Variants in VTI1A observed in about 807,000 individuals in gnomAD.
VTI1A encodes the protein vesicle transport through interaction with t-SNAREs 1A, also known as vesicle transport through interaction with t-SNAREs homolog 1A.
In VTI1A, 22 loss-of-function variants were observed where a neutral mutation model predicts 34.9. That is an observed-to-expected ratio of 0.63 (90% CI 0.45 to 0.90). VTI1A has a LOEUF of 0.90. Ranked by LOEUF, VTI1A falls within the 40% of genes least tolerant of loss-of-function variation. VTI1A has a pLI of 0.00. For synonymous variants in VTI1A, 87 were observed against 97.3 expected (o/e 0.89, Z 0.62); for missense variants, 268 against 275.6 (o/e 0.97, Z 0.20).
At chr10:112,707,760 T>C (rs973850760) in intron 7 of VTI1A, among the ~76,000 whole-genome samples, 1 of 152,242 alleles carries the variant, frequency 6.6e-6, no homozygotes, top group Admixed American at 6.5e-5. Context: ...TTACTTTGCA[T>C]AAAAATTTTA....
chr10:112,500,473 A>G (rs562968477), intron 3 of VTI1A, among the ~76,000 whole-genome samples: 40 of 152,238 alleles, frequency 2.6e-4, no homozygotes, highest in African/African-American at 9.4e-4. Context: ...AAAAAAGAAA[A>G]TTGTTGCCAA....
At chr10:112,577,008 TA>T (rs1457131166) in intron 5 of VTI1A, among the ~76,000 whole-genome samples, 1 of 152,224 alleles carries the variant, frequency 6.6e-6, no homozygotes, top group Non-Finnish European at 1.5e-5. Flanking sequence ...AATCCGTCTA[TA>T]AGGTCACAAT....
intron 5 of VTI1A, among the ~76,000 whole-genome samples, chr10:112,611,760 G>A (rs1363384464): frequency 7.6e-5 from 2 of 26,180 alleles, no homozygotes; most frequent in African/African-American, 2.2e-4. Flanking sequence ...TTTTTTTTTT[G>A]TGACGGAGTC....
intron 7 of VTI1A, among the ~76,000 whole-genome samples, chr10:112,669,336 G>T (rs538222976): frequency 6.6e-6 from 1 of 152,288 alleles, no homozygotes; most frequent in Admixed American, 6.5e-5. Context: ...TCTTCTTATG[G>T]AGGGAATGCA....
intron 3 of VTI1A, among the ~76,000 whole-genome samples, chr10:112,479,919 A>G (rs147935439): frequency 1.2e-3 from 185 of 152,304 alleles, no homozygotes; most frequent in African/African-American, 4.2e-3. Context: ...GTCTATTGTC[A>G]GTTTATTTCA....
chr10:112,845,841 A>C, the VTI1A span, among the ~76,000 whole-genome samples: 1 of 152,146 alleles, frequency 6.6e-6, no homozygotes, highest in Non-Finnish European at 1.5e-5. Flanking sequence ...AACATGGTGA[A>C]ACCCCGTCTC....
intron 7 of VTI1A, among the ~76,000 whole-genome samples, chr10:112,748,916 A>G (rs945365300): frequency 2.6e-5 from 4 of 152,158 alleles, no homozygotes; most frequent in African/African-American, 9.7e-5. Context: ...GGCGTGAGCC[A>G]CTGCTCCCAG....
intron 5 of VTI1A, among the ~76,000 whole-genome samples, chr10:112,636,238 A>G (rs957745763): frequency 6.6e-6 from 1 of 152,254 alleles, no homozygotes. Context: ...ATATAAGGGC[A>G]CTTTGTAGAC....
At chr10:112,451,164 T>G (rs74652010) in intron 1 of VTI1A, among the ~76,000 whole-genome samples, 1 of 152,230 alleles carries the variant, frequency 6.6e-6, no homozygotes. Flanking sequence ...CTAGTTCTGC[T>G]ACTTACTAGA....
chr10:112,595,006 A>G (rs1241252036), intron 5 of VTI1A, among the ~76,000 whole-genome samples: 3 of 145,462 alleles, frequency 2.1e-5, no homozygotes, highest in Non-Finnish European at 3.0e-5. Flanking sequence ...AAATAACGCC[A>G]CATATCTACA....
chr10:112,531,999 G>A (rs1850462697), intron 4 of VTI1A, among the ~76,000 whole-genome samples: 1 of 152,010 alleles, frequency 6.6e-6, no homozygotes, highest in Non-Finnish European at 1.5e-5. Context: ...AATAAAGAAA[G>A]CTTCTTATTT....
At chr10:112,671,549 T>A (rs1375262099) in intron 7 of VTI1A, among the ~76,000 whole-genome samples, 1 of 152,210 alleles carries the variant, frequency 6.6e-6, no homozygotes, top group East Asian at 1.9e-4. Flanking sequence ...AGGTTATTTT[T>A]AAAATTTTTT....
chr10:112,480,870 G>T (rs1169175559), intron 3 of VTI1A, among the ~76,000 whole-genome samples: 3 of 152,168 alleles, frequency 2.0e-5, no homozygotes. Context: ...TTGGCATGGG[G>T]TGCAACTTGG....
chr10:112,465,971 G>T (rs901840539), intron 3 of VTI1A, among the ~76,000 whole-genome samples: 3 of 152,148 alleles, frequency 2.0e-5, no homozygotes, highest in African/African-American at 7.2e-5. Flanking sequence ...ACAACTAACT[G>T]TTCTTATAGG....
Position 112,668,217 on chromosome 10 carries a change from G to A in VTI1A, c.428-1G>A, listed in dbSNP as rs1046242018. 1.6e-5 allele frequency: 25 copies of A among 1,611,934 alleles called. No individual in the cohort carries two copies. The highest frequency in any genetic ancestry group is 2.1e-5 in the Non-Finnish European group (25 of 1,178,798). ...CCTCACTCAAATTTTCTTTTCCGTAGAGCAAATTGGTCAGGAGATGTTGGA... is the reference window on the plus strand; with the variant it reads ...CCTCACTCAAATTTTCTTTTCCGTAAAGCAAATTGGTCAGGAGATGTTGGA... On this transcript the variant is annotated splice_acceptor_variant, in intron 5 of 7. Coordinates refer to ENST00000393077, the MANE Select transcript of VTI1A (RefSeq NM_145206.4). LOFTEE classifies it high-confidence loss of function.
chr10:112,841,604 G>A, the VTI1A span, among the ~76,000 whole-genome samples: 1 of 152,168 alleles, frequency 6.6e-6, no homozygotes, highest in Non-Finnish European at 1.5e-5. Context: ...ACCAGGGAAA[G>A]TGGGCGTCTG....
In VTI1A at chr10:112,626,065, T is replaced by C. The variant is rs112270472; in HGVS notation, c.428-42153T>C. ...GAAGAAACAAAGTACATTTGGAAAC[T>C]GCATCCTTTTTTTTTGTAATGATTT... is the stretch of plus-strand genomic sequence containing the variant. On this transcript the variant is annotated intron_variant, in intron 5 of 7. Transcript: ENST00000393077. Among the ~76,000 whole-genome samples the C allele has an allele frequency of 7.8e-4, 119 of 152,252 alleles. 1 individual carries two copies. Among genetic ancestry groups the C allele is most frequent in the African/African-American group, 2.8e-3 (117 of 41,566 alleles).
intron 5 of VTI1A, among the ~76,000 whole-genome samples, chr10:112,611,080 T>G (rs965246278): frequency 2.0e-5 from 3 of 152,232 alleles, no homozygotes; most frequent in African/African-American, 7.2e-5. Flanking sequence ...TAAAGAAACT[T>G]AGAGCTACTT....
At chr10:112,724,666 T>TG (rs1849940751) in intron 7 of VTI1A, among the ~76,000 whole-genome samples, 1 of 151,948 alleles carries the variant, frequency 6.6e-6, no homozygotes, top group Non-Finnish European at 1.5e-5. Context: ...ACCCCAGAGC[T>TG]GGGGCAAGTT....
Sources: allele counts gnomAD v4.1 joint callset (sites outside exome capture counted in the v4.1 genomes callset), GRCh38; gene constraint gnomAD v4.1.1; transcripts MANE v1.5; gene names NCBI Gene and HGNC (gene_info 2026-07-23, HGNC 2026-07-21).